The following MTMR8 variants were observed in gnomAD, a reference collection of about 807,000 sequenced individuals.
MTMR8 encodes myotubularin related protein 8, also known as phosphatidylinositol-3,5-bisphosphate 3-phosphatase MTMR8.
In MTMR8, 65 loss-of-function variants were observed where a neutral mutation model predicts 39.3. The observed-to-expected ratio is 1.65, with a 90% CI of 1.35 to 2.03. The LOEUF (loss-of-function observed/expected upper bound fraction) is 2.03. Among genes scored for constraint, MTMR8 ranks in the 30% most tolerant of loss-of-function variants. MTMR8 has a pLI of 0.00. For missense variants in MTMR8, 777 were observed against 538.9 expected, an observed-to-expected ratio of 1.44 and a Z score of -4.37; for synonymous variants, 245 against 185.2, an observed-to-expected ratio of 1.32 and a Z score of -2.62.
At chrX:64,340,050 C>A (rs751182503) in intron 8 of MTMR8, among the ~76,000 whole-genome samples, 1 of 111,391 alleles carries the variant, frequency 9.0e-6, no homozygotes, top group Non-Finnish European at 1.9e-5. Flanking sequence ...TGGGATACAT[C>A]TATTTGCAGC....
At chrX:64,278,459 GGTTTTTTTTTTTTTTTT>G (rs1209752763) in intron 12 of MTMR8, among the ~76,000 whole-genome samples, 2 of 49,868 alleles carry the variant, frequency 4.0e-5, no homozygotes, top group African/African-American at 2.3e-4. Flanking sequence ...TTATTTTGCT[GGTTTTTTTTTTTTTTTT>G]TTTTTTTTTT....
At chrX:64,382,518 T>G (rs971981083) in intron 1 of MTMR8, among the ~76,000 whole-genome samples, 2 of 111,022 alleles carry the variant, frequency 1.8e-5, no homozygotes, top group Admixed American at 9.6e-5. Flanking sequence ...TATGATGGGG[T>G]TTTCTAGATA....
At position 64,381,043 on chromosome X, in the gene MTMR8, C is replaced by T. The variant is rs777504215; in HGVS notation, c.24+14297G>A. On this transcript the variant is annotated intron_variant, in intron 1 of 13. Transcript: ENST00000374852. ...AAGTCTTTGCTATTGTGAATAGTGC[C>T]GCAATAAACATATGTGCACATGTGT... 8.0e-5 allele frequency among the ~76,000 whole-genome samples: 9 copies of T among 111,878 alleles called. No homozygotes were observed. In the South Asian group the frequency reaches 1.5e-3, roughly 18 times the overall value.
rs758346467 is a variant in MTMR8 at position 64,308,892 on chromosome X, G to T, written c.1481+19880C>A. The stretch of plus-strand genomic sequence containing the variant: ...TCTGTTGAATTGTCTTTGTTCCTTT[G>T]TCAAAGCTGAGTTGATTATATTTCT... On this transcript the variant is annotated intron_variant, in intron 12 of 13. Transcript: ENST00000374852. Among the ~76,000 whole-genome samples the T allele has an allele frequency of 1.5e-3, 164 of 111,662 alleles. 1 individual carries two copies. Among genetic ancestry groups the T allele is most frequent in the African/African-American group, 5.2e-3 (160 of 30,693 alleles).
At chrX:64,323,523 G>C (rs1468706178) in intron 12 of MTMR8, among the ~76,000 whole-genome samples, 1 of 111,551 alleles carries the variant, frequency 9.0e-6, no homozygotes. Flanking sequence ...AGAAAATAAA[G>C]AAACATCACA....
intron 6 of MTMR8, 27 bp from the exon 7 acceptor site, chrX:64,345,204 C>T (rs1396580195): frequency 8.4e-7 from 1 of 1,195,718 alleles, no homozygotes; most frequent in Non-Finnish European, 1.1e-6. Context: ...CATAATAGAG[C>T]AGATAGGCCA....
intron 12 of MTMR8, among the ~76,000 whole-genome samples, chrX:64,292,305 G>A (rs1921425078): frequency 9.0e-6 from 1 of 111,609 alleles, no homozygotes; most frequent in Non-Finnish European, 1.9e-5. Flanking sequence ...TTTTGGCTGA[G>A]CCGACTAAAG....
chrX:64,295,239 GACACACACAC>G (rs374084522), intron 12 of MTMR8, among the ~76,000 whole-genome samples: 1 of 105,986 alleles, frequency 9.4e-6, no homozygotes, highest in African/African-American at 3.4e-5. Flanking sequence ...AGATGTTTCT[GACACACACAC>G]ACACACACAC....
rs993678665 is a variant in MTMR8 at position 64,282,590 on chromosome X, A to G, written c.1482-11517T>C. ...AACAAAAATTAACTCAAAGTGTATA[A>G]AAGACCTAAAGGTAAGGGTGAAAAT... On this transcript the variant is annotated intron_variant, in intron 12 of 13. Coordinates refer to ENST00000374852, the MANE Select transcript of MTMR8 (RefSeq NM_017677.4). Among the ~76,000 whole-genome samples the G allele has an allele frequency of 2.7e-5, 3 of 112,035 alleles. No homozygotes were observed. In the East Asian group the frequency reaches 8.4e-4, roughly 31 times the overall value.
chrX:64,317,297 C>T (rs1922495857), intron 12 of MTMR8, among the ~76,000 whole-genome samples: 1 of 110,211 alleles, frequency 9.1e-6, no homozygotes, highest in African/African-American at 3.3e-5. Flanking sequence ...TGAGGTTTTC[C>T]ATCTTTCCTC....
intron 12 of MTMR8, among the ~76,000 whole-genome samples, chrX:64,291,620 G>A (rs1378500681): frequency 9.0e-6 from 1 of 111,107 alleles, no homozygotes; most frequent in Non-Finnish European, 1.9e-5. Context: ...ATTACAAGTG[G>A]CAACAAGGAT....
chrX:64,322,880 A>G (rs1404537480), intron 12 of MTMR8, among the ~76,000 whole-genome samples: 1 of 112,671 alleles, frequency 8.9e-6, no homozygotes, highest in East Asian at 2.8e-4. Flanking sequence ...TCCAGCACAA[A>G]GGCAAGTGGT....
At chrX:64,284,170 G>A (rs1394801041) in intron 12 of MTMR8, among the ~76,000 whole-genome samples, 1 of 112,295 alleles carries the variant, frequency 8.9e-6, no homozygotes, top group Admixed American at 9.5e-5. Flanking sequence ...AGAACTATGT[G>A]ACGTACGCAC....
chrX:64,387,477 G>A (rs1924589333), intron 1 of MTMR8, among the ~76,000 whole-genome samples: 1 of 111,047 alleles, frequency 9.0e-6, no homozygotes, highest in Non-Finnish European at 1.9e-5. Flanking sequence ...TTCCTCTATA[G>A]TATGTCTCCC....
intron 4 of MTMR8, among the ~76,000 whole-genome samples, chrX:64,354,472 G>A (rs188428865): frequency 3.7e-4 from 41 of 111,196 alleles, no homozygotes; most frequent in African/African-American, 1.3e-3. Flanking sequence ...AATAAAAAAT[G>A]TTAAAATAAA....
chrX:64,345,223 A>G lies in MTMR8; in HGVS notation c.733-46T>C, dbSNP rs1923320463. 3 of 1,171,053 alleles carry G rather than the reference A, an allele frequency of 2.6e-6. No homozygotes were observed. The South Asian group carries it at 5.7e-5, about 22-fold the overall frequency. On this transcript the variant is annotated intron_variant, in intron 6 of 13. Coordinates refer to ENST00000374852, the MANE Select transcript of MTMR8 (RefSeq NM_017677.4). ...ATAGAGCAGATAGGCCAGATGATGA[A>G]AGAATGGAGTTCATCAATCTCAATG... is the stretch of plus-strand genomic sequence containing the variant.
At chrX:64,382,030 G>A (rs1326472916) in intron 1 of MTMR8, among the ~76,000 whole-genome samples, 1 of 111,525 alleles carries the variant, frequency 9.0e-6, no homozygotes, top group Non-Finnish European at 1.9e-5. Flanking sequence ...TTTGAAGTCA[G>A]GTAGTGTGAT....
intron 1 of MTMR8, among the ~76,000 whole-genome samples, chrX:64,371,097 C>T (rs771989325): frequency 3.6e-5 from 4 of 111,957 alleles, no homozygotes; most frequent in South Asian, 3.7e-4. Flanking sequence ...TTTGAGGCTG[C>T]GATTGCACCA....
chrX:64,307,542 T>A (rs1186117821), intron 12 of MTMR8, among the ~76,000 whole-genome samples: 2 of 111,426 alleles, frequency 1.8e-5, no homozygotes, highest in Non-Finnish European at 3.8e-5. Flanking sequence ...TCTATTCTCT[T>A]CTATTGAGTT....
Sources: gnomAD v4.1 joint callset for allele counts (sites outside exome capture counted in the v4.1 genomes callset) on GRCh38, gnomAD v4.1.1 for gene constraint, MANE v1.5 for transcripts, NCBI Gene and HGNC (gene_info 2026-07-23, HGNC 2026-07-21) for gene names.